NYAP2: variants seen among roughly 807,000 people sequenced by gnomAD.
The protein encoded by NYAP2 is neuronal tyrosine-phosphorylated phosphoinositide-3-kinase adaptor 2, also known as neuronal tyrosine-phosphorylated phosphoinositide-3-kinase adapter 2.
NYAP2 carries 23 observed loss-of-function variants against 50.4 expected under a neutral mutation model. The observed-to-expected ratio is 0.46, with a 90% CI of 0.33 to 0.65. The LOEUF (loss-of-function observed/expected upper bound fraction) is 0.65. Among genes scored for constraint, NYAP2 ranks in the 30% least tolerant of loss-of-function variants. The pLI is 0.02. For synonymous variants in NYAP2, 394 were observed against 365.2 expected, an observed-to-expected ratio of 1.08 and a Z score of -0.90; for missense variants, 885 against 861.0, an observed-to-expected ratio of 1.03 and a Z score of -0.35.
intron 4 of NYAP2, among the ~76,000 whole-genome samples, chr2:225,569,238 C>A (rs757660853): frequency 1.6e-4 from 24 of 152,242 alleles, no homozygotes; most frequent in Non-Finnish European, 3.4e-4. Context: ...TGGCTTATGA[C>A]AAAAGTCTGT....
intron 6 of NYAP2, among the ~76,000 whole-genome samples, chr2:225,639,963 A>G (rs1310997365): frequency 1.3e-5 from 2 of 152,138 alleles, no homozygotes; most frequent in Admixed American, 6.5e-5. Flanking sequence ...TGAGGAGCTA[A>G]AAGGAGGGCA....
chr2:225,567,034 A>C lies in NYAP2; in HGVS notation c.524-14907A>C, dbSNP rs1015499737. ...TTTCGTTGTCATGGGAACATGATAGAGTGTACTTACCCAAACCCAGACGGC... is the reference window on the plus strand; with the variant it reads ...TTTCGTTGTCATGGGAACATGATAGCGTGTACTTACCCAAACCCAGACGGC... On this transcript the variant is annotated intron_variant, in intron 4 of 6. Transcript: ENST00000636099. 5.3e-5 allele frequency among the ~76,000 whole-genome samples: 8 copies of C among 152,126 alleles called. No individual in the cohort carries two copies. In the East Asian group the frequency reaches 7.7e-4, roughly 15 times the overall value.
chr2:225,538,532 C>T (rs1691391320), intron 4 of NYAP2, among the ~76,000 whole-genome samples: 1 of 152,176 alleles, frequency 6.6e-6, no homozygotes, highest in Non-Finnish European at 1.5e-5. Context: ...GGATGCAGGG[C>T]ACCAAGTCCC....
At chr2:225,630,982 T>G (rs1271583487) in intron 6 of NYAP2, among the ~76,000 whole-genome samples, 1 of 152,156 alleles carries the variant, frequency 6.6e-6, no homozygotes, top group African/African-American at 2.4e-5. Context: ...CTAAAGAGAT[T>G]TAGTGGATTC....
chr2:225,407,178 G>C (rs922779074), intron 2 of NYAP2, among the ~76,000 whole-genome samples: 3 of 151,952 alleles, frequency 2.0e-5, no homozygotes, highest in Non-Finnish European at 2.9e-5. Context: ...CAATGCTTTA[G>C]CTCTCTGAGA....
chr2:225,662,594 CT>C, the NYAP2 span, among the ~76,000 whole-genome samples: 1 of 152,250 alleles, frequency 6.6e-6, no homozygotes, highest in Non-Finnish European at 1.5e-5. Context: ...AAAGTAAATG[CT>C]GCATTAGAGC....
chr2:225,599,034 A>C (rs953655744), intron 5 of NYAP2, among the ~76,000 whole-genome samples: 1 of 152,176 alleles, frequency 6.6e-6, no homozygotes, highest in African/African-American at 2.4e-5. Flanking sequence ...CCTGGGCTTC[A>C]GCTTCCTTCC....
At chr2:225,631,607 A>G (rs1441919872) in intron 6 of NYAP2, among the ~76,000 whole-genome samples, 1 of 152,190 alleles carries the variant, frequency 6.6e-6, no homozygotes, top group African/African-American at 2.4e-5. Context: ...AATTAATGTT[A>G]CCATTACTTG....
intron 3 of NYAP2, among the ~76,000 whole-genome samples, chr2:225,463,027 A>G (rs928613111): frequency 1.2e-4 from 18 of 152,254 alleles, no homozygotes; most frequent in Admixed American, 9.8e-4. Flanking sequence ...TAGATAAGAA[A>G]TGAGTAGGTG....
chr2:225,520,146 G>C (rs1018921651), intron 4 of NYAP2, among the ~76,000 whole-genome samples: 1 of 152,134 alleles, frequency 6.6e-6, no homozygotes, highest in African/African-American at 2.4e-5. Flanking sequence ...AAATTTGTTT[G>C]AGTTCATCGT....
At chr2:225,557,893 T>G (rs1044651578) in intron 4 of NYAP2, among the ~76,000 whole-genome samples, 1 of 152,212 alleles carries the variant, frequency 6.6e-6, no homozygotes, top group African/African-American at 2.4e-5. Flanking sequence ...GGCCTTTATG[T>G]TTCTAACAAA....
intron 3 of NYAP2, among the ~76,000 whole-genome samples, chr2:225,481,570 T>A (rs1158141541): frequency 6.6e-6 from 1 of 152,176 alleles, no homozygotes; most frequent in East Asian, 1.9e-4. Flanking sequence ...GTTACTAATT[T>A]ATTAATTTTT....
At chr2:225,665,783 T>C in the NYAP2 span, among the ~76,000 whole-genome samples, 1 of 106,548 alleles carries the variant, frequency 9.4e-6, no homozygotes, top group African/African-American at 3.6e-5. Context: ...CACTCCAGCC[T>C]GGGCAACAGA....
intron 6 of NYAP2, among the ~76,000 whole-genome samples, chr2:225,638,156 TTG>T (rs146481098): frequency 0.23 from 31,353 of 135,034 alleles, 3,901 homozygotes; most frequent in African/African-American, 0.36. Flanking sequence ...ACTCGTGTGT[TTG>T]TGTGTGTGTG....
chr2:225,549,672 G>T (rs1691638901), intron 4 of NYAP2, among the ~76,000 whole-genome samples: 1 of 152,148 alleles, frequency 6.6e-6, no homozygotes, highest in Non-Finnish European at 1.5e-5. Flanking sequence ...GGGAGAAAAT[G>T]CAGTAGATGA....
At chr2:225,431,428 G>A (rs1695364541) in intron 3 of NYAP2, among the ~76,000 whole-genome samples, 1 of 152,066 alleles carries the variant, frequency 6.6e-6, no homozygotes, top group South Asian at 2.1e-4. Flanking sequence ...GAACATAAAG[G>A]CAGCAGATTT....
At chr2:225,472,180 C>T (rs1442598483) in intron 3 of NYAP2, among the ~76,000 whole-genome samples, 1 of 152,308 alleles carries the variant, frequency 6.6e-6, no homozygotes, top group East Asian at 1.9e-4. Flanking sequence ...GCTCGCACGA[C>T]TCATCCTGCT....
chr2:225,664,996 T>A, the NYAP2 span, among the ~76,000 whole-genome samples: 1 of 152,146 alleles, frequency 6.6e-6, no homozygotes, highest in South Asian at 2.1e-4. Context: ...AGGCAGAACA[T>A]GAACTATGAT....
At chr2:225,413,390 G>A (rs991403320) in intron 3 of NYAP2, among the ~76,000 whole-genome samples, 2 of 152,160 alleles carry the variant, frequency 1.3e-5, no homozygotes, top group African/African-American at 4.8e-5. Flanking sequence ...CGTCTGTCCT[G>A]CTGGCCTCTT....
Sources: gnomAD v4.1 joint callset for allele counts (sites outside exome capture counted in the v4.1 genomes callset) on GRCh38, gnomAD v4.1.1 for gene constraint, MANE v1.5 for transcripts, NCBI Gene and HGNC (gene_info 2026-07-23, HGNC 2026-07-21) for gene names.